ANTXR1: variants seen among roughly 807,000 people sequenced by gnomAD.
The protein encoded by ANTXR1 is ANTXR cell adhesion molecule 1, also known as anthrax toxin receptor 1.
Under a neutral mutation model 78.1 loss-of-function variants are expected in ANTXR1, and 19 were observed. The observed-to-expected ratio is 0.24, with a 90% CI of 0.17 to 0.36. The LOEUF (loss-of-function observed/expected upper bound fraction) is 0.36, where lower values mean the gene tolerates loss of function less well. ANTXR1 is among the 10% of genes least tolerant of loss of function. The probability of loss-of-function intolerance (pLI) is 1.00; values close to 1 mark genes in which losing one functional copy is unlikely to be tolerated. For synonymous variants in ANTXR1, 273 were observed against 260.5 expected, an observed-to-expected ratio of 1.05 and a Z score of -0.46; for missense variants, 518 against 718.6, an observed-to-expected ratio of 0.72 and a Z score of 3.19.
chr2:69,068,493 C>T (rs1210310600), intron 3 of ANTXR1, among the ~76,000 whole-genome samples: 4 of 152,112 alleles, frequency 2.6e-5, no homozygotes, highest in Non-Finnish European at 5.9e-5. Flanking sequence ...TGTTCCCGGG[C>T]AGCAGTGATT....
At chr2:69,058,733 C>T (rs1348731156) in intron 3 of ANTXR1, among the ~76,000 whole-genome samples, 1 of 152,142 alleles carries the variant, frequency 6.6e-6, no homozygotes, top group African/African-American at 2.4e-5. Flanking sequence ...TCTATAGCTG[C>T]CATACATAGT....
chr2:69,110,896 T>C (rs1256800831), intron 10 of ANTXR1, among the ~76,000 whole-genome samples: 1 of 152,140 alleles, frequency 6.6e-6, no homozygotes, highest in Non-Finnish European at 1.5e-5. Flanking sequence ...ACTGACACTA[T>C]TTTTGTTTTT....
At chr2:69,185,647 G>A (rs1379796205) in intron 16 of ANTXR1, among the ~76,000 whole-genome samples, 2 of 152,162 alleles carry the variant, frequency 1.3e-5, no homozygotes, top group Non-Finnish European at 2.9e-5. Flanking sequence ...TGCCTGGATT[G>A]TTAAAATAGG....
At chr2:69,100,782 A>G (rs1671586977) in intron 9 of ANTXR1, among the ~76,000 whole-genome samples, 1 of 152,240 alleles carries the variant, frequency 6.6e-6, no homozygotes, top group African/African-American at 2.4e-5. Flanking sequence ...AAGAGAAGAT[A>G]AGATTCTTCT....
intron 12 of ANTXR1, among the ~76,000 whole-genome samples, chr2:69,129,706 G>GCAC (rs955505820): frequency 9.3e-5 from 14 of 151,302 alleles, no homozygotes; most frequent in African/African-American, 3.4e-4. Flanking sequence ...AGCCGAGATT[G>GCAC]CACCACTGCA....
At chr2:69,130,480 A>C (rs561074653) in intron 12 of ANTXR1, among the ~76,000 whole-genome samples, 1 of 152,272 alleles carries the variant, frequency 6.6e-6, no homozygotes, top group East Asian at 1.9e-4. Flanking sequence ...CTGCTCTATA[A>C]CTGCAGGATA....
chr2:69,181,492 T>C (rs556792319), intron 14 of ANTXR1, among the ~76,000 whole-genome samples: 2 of 152,310 alleles, frequency 1.3e-5, no homozygotes, highest in Middle Eastern at 3.4e-3. Flanking sequence ...CATTAGCATG[T>C]AGGTGGGGTT....
chr2:69,122,928 T>C (rs1672399291), intron 10 of ANTXR1, 89 bp from the exon 11 acceptor site: 1 of 1,416,300 alleles, frequency 7.1e-7, no homozygotes, highest in Non-Finnish European at 1.0e-6. Flanking sequence ...GGTATCTCCC[T>C]GGACTTGGTT....
intron 7 of ANTXR1, 80 bp from the exon 8 acceptor site, chr2:69,077,328 A>T: frequency 6.7e-7 from 1 of 1,481,722 alleles, no homozygotes; most frequent in Non-Finnish European, 9.4e-7. Context: ...AGAGCCCCTT[A>T]GCCCCAACGG....
intron 4 of ANTXR1, among the ~76,000 whole-genome samples, chr2:69,071,096 A>G (rs552632278): frequency 1.3e-5 from 2 of 152,114 alleles, no homozygotes; most frequent in East Asian, 3.9e-4. Context: ...ATAAGGAATA[A>G]GACATCAATC....
At chr2:69,158,443 T>C (rs1673587656) in intron 13 of ANTXR1, among the ~76,000 whole-genome samples, 1 of 152,228 alleles carries the variant, frequency 6.6e-6, no homozygotes, top group Non-Finnish European at 1.5e-5. Flanking sequence ...TCTCACTTGG[T>C]TTCCATGGCG....
rs1209675638 is a variant in ANTXR1, at chr2:69,195,747, AGACTCCTCT to A, written c.1434+2336_1434+2344del. 2.6e-5 allele frequency among the ~76,000 whole-genome samples: 4 copies of A among 152,318 alleles called. No individual in the cohort carries two copies. The East Asian group carries it at 7.7e-4, about 29-fold the overall frequency. ...TGAAGAAATTTTTTTAGCATGCATG[AGACTCCTCT>A]GACAGATTGAGAAAAAAATAATAAT... is the stretch of plus-strand genomic sequence containing the variant. On this transcript the variant is annotated intron_variant, in intron 17 of 17. Transcript: ENST00000303714.
At chr2:69,151,445 T>C (rs925649489) in intron 12 of ANTXR1, among the ~76,000 whole-genome samples, 1 of 152,148 alleles carries the variant, frequency 6.6e-6, no homozygotes, top group Non-Finnish European at 1.5e-5. Flanking sequence ...ACTCAGAATG[T>C]TGACACCAAG....
intron 17 of ANTXR1, among the ~76,000 whole-genome samples, chr2:69,211,730 C>T (rs1056328288): frequency 6.6e-6 from 1 of 152,210 alleles, no homozygotes; most frequent in Non-Finnish European, 1.5e-5. Flanking sequence ...TTGGGACTAA[C>T]AGTCTGTGAA....
chr2:69,158,995 C>A (rs1673604824), intron 13 of ANTXR1, among the ~76,000 whole-genome samples: 1 of 152,222 alleles, frequency 6.6e-6, no homozygotes, highest in East Asian at 1.9e-4. Flanking sequence ...TTTTCCAAAT[C>A]AAACTAAAAA....
intron 14 of ANTXR1, among the ~76,000 whole-genome samples, chr2:69,175,498 C>T (rs1466880652): frequency 2.6e-5 from 4 of 152,104 alleles, no homozygotes; most frequent in African/African-American, 7.2e-5. Context: ...GGCTGTCACA[C>T]ATGTGGTCCC....
At chr2:69,087,824 A>C (rs1671102036) in intron 8 of ANTXR1, among the ~76,000 whole-genome samples, 1 of 152,172 alleles carries the variant, frequency 6.6e-6, no homozygotes, top group African/African-American at 2.4e-5. Context: ...TGTCTGCTAC[A>C]GTTCAGACAG....
chr2:69,189,716 A>G (rs900041676), intron 16 of ANTXR1, among the ~76,000 whole-genome samples: 1 of 152,190 alleles, frequency 6.6e-6, no homozygotes, highest in African/African-American at 2.4e-5. Flanking sequence ...TTGATGTTGG[A>G]CATGAGCAGG....
At chr2:69,025,603 A>ATATAGTAAATAAGAATTC (rs1671316627) in intron 1 of ANTXR1, among the ~76,000 whole-genome samples, 2 of 151,842 alleles carry the variant, frequency 1.3e-5, no homozygotes, top group Non-Finnish European at 1.5e-5. Flanking sequence ...TGCAGAAATT[A>ATATAGTAAATAAGAATTC]TATAGTAAAT....
Sources: allele counts gnomAD v4.1 joint callset (sites outside exome capture counted in the v4.1 genomes callset), GRCh38; gene constraint gnomAD v4.1.1; transcripts MANE v1.5; gene names NCBI Gene and HGNC (gene_info 2026-07-23, HGNC 2026-07-21).